The following PRIM2 variants were observed in gnomAD, a reference collection of about 807,000 sequenced individuals.
PRIM2 encodes DNA primase subunit 2.
Under a neutral mutation model 67.3 loss-of-function variants are expected in PRIM2, and 39 were observed. That is an observed-to-expected ratio of 0.58 (90% CI 0.45 to 0.76). The LOEUF (loss-of-function observed/expected upper bound fraction) is 0.76. Among genes scored for constraint, PRIM2 ranks in the 30% least tolerant of loss-of-function variants. PRIM2 has a pLI of 0.00. For synonymous variants in PRIM2, 143 were observed against 198.7 expected, an observed-to-expected ratio of 0.72 and a Z score of 2.36; for missense variants, 398 against 598.7, an observed-to-expected ratio of 0.66 and a Z score of 3.50.
At chr6:57,316,880 T>C (rs1472847434), upstream of PRIM2, among the ~76,000 whole-genome samples, 1 of 152,264 alleles carries the variant, frequency 6.6e-6, no homozygotes, top group Non-Finnish European at 1.5e-5. Flanking sequence ...TTCTAATTCC[T>C]GTAGATTGCA....
chr6:57,339,133 G>T (rs1305550594), intron 5 of PRIM2, among the ~76,000 whole-genome samples: 2 of 151,912 alleles, frequency 1.3e-5, no homozygotes, highest in Non-Finnish European at 1.5e-5. Context: ...AAATACCTAG[G>T]AATCCAACTT....
intron 13 of PRIM2, among the ~76,000 whole-genome samples, chr6:57,636,986 A>G (rs1157719362): frequency 6.6e-6 from 1 of 152,186 alleles, no homozygotes; most frequent in Non-Finnish European, 1.5e-5. Context: ...AGGGGCCGAC[A>G]GACATCTCAT....
intron 8 of PRIM2, among the ~76,000 whole-genome samples, chr6:57,529,832 A>G: frequency 6.6e-6 from 1 of 152,214 alleles, no homozygotes; most frequent in Non-Finnish European, 1.5e-5. Context: ...TGGGTAATTT[A>G]TAAAGGAAAC....
intron 13 of PRIM2, among the ~76,000 whole-genome samples, chr6:57,642,409 A>G (rs1777255068): frequency 6.9e-6 from 1 of 145,382 alleles, no homozygotes; most frequent in African/African-American, 2.5e-5. Flanking sequence ...TTCATTAACG[A>G]TATGCACATA....
intron 7 of PRIM2, among the ~76,000 whole-genome samples, chr6:57,413,248 A>G (rs1771148679): frequency 2.6e-5 from 4 of 151,982 alleles, no homozygotes; most frequent in South Asian, 4.1e-4. Context: ...TCTAACAGAA[A>G]CTTAGGGGAG....
At chr6:57,458,410 G>C (rs1159038686) in intron 7 of PRIM2, among the ~76,000 whole-genome samples, 14 of 152,184 alleles carry the variant, frequency 9.2e-5, no homozygotes, top group Non-Finnish European at 1.9e-4. Context: ...TAGAGTGGGT[G>C]TTGTGACTCA....
chr6:57,616,136 G>A (rs1226683235), intron 12 of PRIM2, among the ~76,000 whole-genome samples: 112 of 152,310 alleles, frequency 7.4e-4, no homozygotes, highest in Admixed American at 2.4e-3. Flanking sequence ...ATGTAGTAAT[G>A]AGGGGTGTGC....
chr6:57,250,670 G>C, the PRIM2 span, among the ~76,000 whole-genome samples: 1 of 152,184 alleles, frequency 6.6e-6, no homozygotes. Flanking sequence ...AAGGGCATGA[G>C]TAAATATCCT....
intron 5 of PRIM2, among the ~76,000 whole-genome samples, chr6:57,376,154 T>C (rs1769756667): frequency 6.6e-6 from 1 of 152,192 alleles, no homozygotes; most frequent in Non-Finnish European, 1.5e-5. Flanking sequence ...TCCGTGATCA[T>C]ACCATTGCAT....
At chr6:57,521,312 A>T (rs1296262283) in intron 8 of PRIM2, among the ~76,000 whole-genome samples, 3 of 150,280 alleles carry the variant, frequency 2.0e-5, no homozygotes, top group Admixed American at 2.0e-4. Flanking sequence ...AACAAATCCA[A>T]AGTGCAGGGA....
intron 12 of PRIM2, among the ~76,000 whole-genome samples, chr6:57,629,157 A>C (rs1777003038): frequency 6.6e-6 from 1 of 152,128 alleles, no homozygotes; most frequent in Middle Eastern, 3.2e-3. Flanking sequence ...GAAAAATTTA[A>C]CAAAACAAAG....
chr6:57,505,460 A>AT (rs1774230715), intron 7 of PRIM2: 1 of 152,214 alleles, frequency 6.6e-6, no homozygotes, highest in Admixed American at 6.5e-5. Flanking sequence ...CAGAAGCTGT[A>AT]TAGCCAATCA....
chr6:57,544,055 A>G (rs1775235828), intron 10 of PRIM2, among the ~76,000 whole-genome samples: 1 of 152,310 alleles, frequency 6.6e-6, no homozygotes, highest in Middle Eastern at 3.4e-3. Flanking sequence ...AGAGTTAAAG[A>G]AGGAGGAAAG....
intron 13 of PRIM2, among the ~76,000 whole-genome samples, chr6:57,639,789 A>G (rs1777197613): frequency 6.6e-6 from 1 of 151,698 alleles, no homozygotes; most frequent in Non-Finnish European, 1.5e-5. Context: ...ATTCACAGAC[A>G]AATTCCACCA....
At chr6:57,523,541 G>T (rs1378352535) in intron 8 of PRIM2, among the ~76,000 whole-genome samples, 1 of 152,148 alleles carries the variant, frequency 6.6e-6, no homozygotes, top group Non-Finnish European at 1.5e-5. Flanking sequence ...AGTCTGAAAA[G>T]GAGAAAATGA....
the PRIM2 span, among the ~76,000 whole-genome samples, chr6:57,243,472 C>T: frequency 6.6e-6 from 1 of 152,072 alleles, no homozygotes; most frequent in Non-Finnish European, 1.5e-5. Flanking sequence ...TACTTGTTTG[C>T]TTATTTATTT....
At chr6:57,283,611 G>C in the PRIM2 span, among the ~76,000 whole-genome samples, 1 of 151,932 alleles carries the variant, frequency 6.6e-6, no homozygotes, top group South Asian at 2.1e-4. Flanking sequence ...CTTTTTTTCA[G>C]CCTCAACTCT....
intron 13 of PRIM2, among the ~76,000 whole-genome samples, chr6:57,638,156 C>T (rs1459012965): frequency 3.3e-5 from 5 of 152,174 alleles, no homozygotes; most frequent in Non-Finnish European, 7.4e-5. Context: ...AACTAACCTT[C>T]ATAAGCGAAG....
chr6:57,490,003 T>A (rs1554345823), intron 7 of PRIM2, among the ~76,000 whole-genome samples: 1 of 142,816 alleles, frequency 7.0e-6, no homozygotes, highest in Admixed American at 7.0e-5. Flanking sequence ...AATGATTGCC[T>A]GCCCCTTGCC....
Sources: allele counts gnomAD v4.1 joint callset (sites outside exome capture counted in the v4.1 genomes callset), GRCh38; gene constraint gnomAD v4.1.1; transcripts MANE v1.5; gene names NCBI Gene and HGNC (gene_info 2026-07-23, HGNC 2026-07-21).